The following ARHGAP22 variants were observed in gnomAD, a reference collection of about 807,000 sequenced individuals.
ARHGAP22 encodes Rho GTPase activating protein 22, also known as rho GTPase-activating protein 22.
In ARHGAP22, 48 loss-of-function variants were observed where a neutral mutation model predicts 59.1. The ratio of observed to expected loss-of-function variants is 0.81; its 90% CI spans 0.64 to 1.03. The LOEUF (loss-of-function observed/expected upper bound fraction) is 1.03, where lower values mean the gene tolerates loss of function less well. Among genes scored for constraint, ARHGAP22 ranks in the 50% least tolerant of loss-of-function variants. The pLI, the probability that ARHGAP22 is intolerant of heterozygous loss-of-function variation, is 0.00. For synonymous variants in ARHGAP22, 445 were observed against 416.4 expected (o/e 1.07, Z -0.84); for missense variants, 1,015 against 958.7 (o/e 1.06, Z -0.78).
At chr10:48,513,356 G>A (rs973871063) in intron 3 of ARHGAP22, among the ~76,000 whole-genome samples, 29 of 152,206 alleles carry the variant, frequency 1.9e-4, no homozygotes, top group Admixed American at 1.6e-3. Context: ...GAGGAAAGAC[G>A]TGAGAGGGCC....
the ARHGAP22 span, among the ~76,000 whole-genome samples, chr10:48,432,729 T>C: frequency 1.3e-5 from 2 of 152,204 alleles, no homozygotes; most frequent in Non-Finnish European, 2.9e-5. Context: ...GTTAGAGCAT[T>C]TGTATTTGTT....
At chr10:48,489,683 T>C (rs1172548956) in intron 3 of ARHGAP22, among the ~76,000 whole-genome samples, 1 of 151,972 alleles carries the variant, frequency 6.6e-6, no homozygotes, top group Non-Finnish European at 1.5e-5. Context: ...GTGGCCACTG[T>C]GTTTCCACCC....
intron 2 of ARHGAP22, among the ~76,000 whole-genome samples, chr10:48,572,000 C>T (rs1207510008): frequency 6.6e-6 from 1 of 152,140 alleles, no homozygotes. Context: ...CACTCTTGGC[C>T]AAGGGGAACC....
intron 3 of ARHGAP22, chr10:48,510,900 T>C (rs2052695057): frequency 6.6e-6 from 1 of 152,284 alleles, no homozygotes; most frequent in African/African-American, 2.4e-5. Context: ...GTGATCTCCA[T>C]GGACCTCTCC....
chr10:48,578,398 C>T (rs935291), intron 2 of ARHGAP22, among the ~76,000 whole-genome samples: 118,943 of 152,048 alleles, frequency 0.78, 46,681 homozygotes, highest in East Asian at 0.99. Context: ...AAAACATCCT[C>T]TAGTGCTGTA....
At chr10:48,538,915 G>T (rs948087653) in intron 3 of ARHGAP22, among the ~76,000 whole-genome samples, 1 of 152,020 alleles carries the variant, frequency 6.6e-6, no homozygotes, top group African/African-American at 2.4e-5. Context: ...TAAAACTAAA[G>T]CTCATGATCA....
At chr10:48,434,503 C>T in the ARHGAP22 span, among the ~76,000 whole-genome samples, 49 of 152,084 alleles carry the variant, frequency 3.2e-4, no homozygotes, top group Non-Finnish European at 6.3e-4. Flanking sequence ...CTTTAAGATC[C>T]TCTGTCCAAA....
In ARHGAP22 at chr10:48,604,887, T is replaced by A. The variant is rs1237810478; in HGVS notation, c.-91A>T. On this transcript the variant is annotated 5_prime_UTR_variant, in exon 1 of 10. Transcript: ENST00000249601. ...TCCTCGCGCCTAGTCGCCCCTCATG[T>A]CCTGCTCGTTCGGGGCCCCGTGGCC... 1.0e-5 allele frequency: 16 copies of A among 1,598,438 alleles called. No individual in the cohort carries two copies. Among genetic ancestry groups the A allele is most frequent in the Non-Finnish European group, 1.4e-5 (16 of 1,173,600 alleles).
intron 1 of ARHGAP22, among the ~76,000 whole-genome samples, chr10:48,590,703 C>T (rs1484369625): frequency 6.6e-6 from 1 of 152,208 alleles, no homozygotes; most frequent in East Asian, 1.9e-4. Context: ...ACGTGGGCTG[C>T]ACGCCTTCCC....
chr10:48,451,677 A>T (rs1430213918), intron 8 of ARHGAP22: 1 of 577,504 alleles, frequency 1.7e-6, no homozygotes, highest in Non-Finnish European at 3.0e-6. Context: ...TACCCCCCAC[A>T]ATCACACGTA....
intron 7 of ARHGAP22, 28 bp downstream of exon 7, chr10:48,454,060 T>G: frequency 6.2e-7 from 1 of 1,603,830 alleles, no homozygotes; most frequent in East Asian, 2.2e-5. Flanking sequence ...TGCAGGAAAG[T>G]GTGGTTCCCT....
intron 1 of ARHGAP22, among the ~76,000 whole-genome samples, chr10:48,619,431 A>C (rs1391720216): frequency 6.6e-6 from 1 of 152,170 alleles, no homozygotes; most frequent in Non-Finnish European, 1.5e-5. Context: ...CACACTACTG[A>C]ACTTAAAAAT....
chr10:48,531,310 T>C (rs1325335108), intron 3 of ARHGAP22, among the ~76,000 whole-genome samples: 1 of 152,178 alleles, frequency 6.6e-6, no homozygotes, highest in African/African-American at 2.4e-5. Flanking sequence ...GACTACACAT[T>C]GGGTACAATT....
At chr10:48,593,628 G>C (rs571060349) in intron 1 of ARHGAP22, among the ~76,000 whole-genome samples, 1 of 152,368 alleles carries the variant, frequency 6.6e-6, no homozygotes, top group Admixed American at 6.5e-5. Flanking sequence ...ACAGTGTGAA[G>C]ATGCTGGACA....
chr10:48,655,254 TGTGGG>T (rs1242082105), upstream of ARHGAP22, among the ~76,000 whole-genome samples: 971 of 4,368 alleles, frequency 0.22, 54 homozygotes, highest in African/African-American at 0.32. Flanking sequence ...TGTGTGTGTG[TGTGGG>T]GGGGGGGGGG....
upstream of ARHGAP22, among the ~76,000 whole-genome samples, chr10:48,655,027 TTTCA>T (rs780514598): frequency 5.0e-3 from 291 of 58,346 alleles, 27 homozygotes; most frequent in African/African-American, 0.011. Context: ...TCTTTCTTTC[TTTCA>T]TTCTTTCTTT....
the ARHGAP22 span, chr10:48,434,981 A>G: frequency 6.4e-7 from 1 of 1,565,196 alleles, no homozygotes; most frequent in Non-Finnish European, 8.7e-7. Flanking sequence ...CCTCTGATAC[A>G]GACAGCAGTC....
chr10:48,581,683 A>G (rs2059129795), intron 2 of ARHGAP22, among the ~76,000 whole-genome samples: 1 of 152,238 alleles, frequency 6.6e-6, no homozygotes, highest in Non-Finnish European at 1.5e-5. Context: ...AAAGTCTACT[A>G]TTTGAACCAC....
chr10:48,640,174 A>C (rs2061986766), intron 1 of ARHGAP22, among the ~76,000 whole-genome samples: 1 of 152,190 alleles, frequency 6.6e-6, no homozygotes, highest in African/African-American at 2.4e-5. Flanking sequence ...GAACCTGAAG[A>C]ACACAAAACA....
Sources: allele counts gnomAD v4.1 joint callset (sites outside exome capture counted in the v4.1 genomes callset), GRCh38; gene constraint gnomAD v4.1.1; transcripts MANE v1.5; gene names NCBI Gene and HGNC (gene_info 2026-07-23, HGNC 2026-07-21).